Variants in ASZ1 observed in about 807,000 individuals in gnomAD.
ASZ1 encodes ankyrin repeat, SAM and basic leucine zipper domain containing 1, also known as ankyrin repeat, SAM and basic leucine zipper domain-containing protein 1.
ASZ1 carries 67 observed loss-of-function variants against 61.8 expected under a neutral mutation model. The observed-to-expected ratio is 1.08, with a 90% CI of 0.89 to 1.33. ASZ1 has a LOEUF of 1.33. ASZ1 is among the 40% of genes most tolerant of loss of function. The pLI is 0.00. For synonymous variants in ASZ1, 193 were observed against 192.7 expected, an observed-to-expected ratio of 1.00 and a Z score of -0.01; for missense variants, 577 against 554.5, an observed-to-expected ratio of 1.04 and a Z score of -0.41.
In ASZ1 at chr7:117,420,150, T is replaced by C. The variant is rs770112027; in HGVS notation, c.440+13A>G. The C allele has an allele frequency of 8.2e-6, 13 of 1,589,226 alleles. No individual in the cohort carries two copies. In the East Asian group the frequency reaches 2.5e-4, roughly 30 times the overall value. On this transcript the variant is annotated intron_variant, in intron 4 of 12. Transcript: ENST00000284629. ...ATTTGACTTGAATTTTGAACAGATATAAAGGCTCTTACCTACAAGCAACAT... is the reference window on the plus strand; with the variant it reads ...ATTTGACTTGAATTTTGAACAGATACAAAGGCTCTTACCTACAAGCAACAT...
chr7:117,364,194 G>A (rs1795888218), intron 12 of ASZ1, among the ~76,000 whole-genome samples: 1 of 152,160 alleles, frequency 6.6e-6, no homozygotes, highest in Non-Finnish European at 1.5e-5. Flanking sequence ...GATGCTACTG[G>A]TAGAAACTTA....
In ASZ1 at chr7:117,425,258, TC is replaced by T. The variant is rs547537326; in HGVS notation, c.205+1577del. On this transcript the variant is annotated intron_variant, in intron 2 of 12. Transcript: ENST00000284629. ...ATGCTTGTTATTCCTTTGAGTAATT[TC>T]TTTTTTTTTTTTTTTTTTTTTTTTG... Among the ~76,000 whole-genome samples, 107 of 119,368 alleles carry T rather than the reference TC, an allele frequency of 9.0e-4. 5 individuals carry two copies. The highest frequency in any genetic ancestry group is 2.9e-3 in the African/African-American group (96 of 33,138). 78.3% of individuals were successfully genotyped at this position (119,368 alleles called of 152,430 possible).
At chr7:117,374,279 A>T (rs1370909167) in intron 10 of ASZ1, among the ~76,000 whole-genome samples, 8 of 152,138 alleles carry the variant, frequency 5.3e-5, no homozygotes, top group Non-Finnish European at 1.2e-4. Flanking sequence ...TATTAGTTTT[A>T]GTCTACTAGT....
chr7:117,391,480 C>G (rs1796466567), intron 4 of ASZ1, among the ~76,000 whole-genome samples: 1 of 152,096 alleles, frequency 6.6e-6, no homozygotes, highest in African/African-American at 2.4e-5. Context: ...TTGATTTCTG[C>G]ATATGGTAAG....
At position 117,384,751 on chromosome 7, in the gene ASZ1, A is replaced by G. The variant is rs780891217; in HGVS notation, c.662T>C (p.Ile221Thr). Residue 221 changes from isoleucine to threonine, a missense_variant, in exon 6 of 13, where the codon ATT becomes ACT. Transcript: ENST00000284629. ...QTKDGKMPSE[I>T]AKRNKHHEIF... is the part of the protein sequence containing the mutation. The stretch of plus-strand genomic sequence containing the variant: ...CTCATGATGTTTGTTTCTTTTTGCA[A>G]TCTCACTTGGCATCTTTCCATCTTT... The G allele has an allele frequency of 4.7e-5, 76 of 1,611,986 alleles. 1 individual carries two copies. In the Admixed American group the frequency reaches 6.0e-4, roughly 13 times the overall value.
chr7:117,380,165 G>A, intron 9 of ASZ1, 118 bp from the exon 10 acceptor site: 1 of 639,018 alleles, frequency 1.6e-6, no homozygotes, highest in Non-Finnish European at 2.7e-6. Context: ...GGCATATATT[G>A]GAAAAATAAC....
rs1475612678 is a variant in ASZ1, at chr7:117,394,577, T to C, written c.441-8768A>G. Among the ~76,000 whole-genome samples the C allele has an allele frequency of 2.0e-5, 3 of 152,322 alleles. No individual in the cohort carries two copies. In the East Asian group the frequency reaches 5.8e-4, roughly 29 times the overall value. On this transcript the variant is annotated intron_variant, in intron 4 of 12. Coordinates refer to ENST00000284629, the MANE Select transcript of ASZ1 (RefSeq NM_130768.3). ...CAGTGATTCTTTCAATCCTACCAAT[T>C]TGTCTTCAGTTGGGAAACATTCTTG...
At chr7:117,400,085 G>C (rs1796651884) in intron 4 of ASZ1, among the ~76,000 whole-genome samples, 1 of 152,126 alleles carries the variant, frequency 6.6e-6, no homozygotes, top group Non-Finnish European at 1.5e-5. Context: ...TGATGTATTT[G>C]TCACGTCTCT....
At chr7:117,426,346 C>T (rs923403743) in intron 2 of ASZ1, among the ~76,000 whole-genome samples, 10 of 150,558 alleles carry the variant, frequency 6.6e-5, no homozygotes, top group East Asian at 1.9e-4. Flanking sequence ...AAAAATTAGC[C>T]GGGCGTGGTG....
intron 4 of ASZ1, among the ~76,000 whole-genome samples, chr7:117,404,220 T>C (rs1347449058): frequency 6.6e-6 from 1 of 152,110 alleles, no homozygotes; most frequent in Non-Finnish European, 1.5e-5. Flanking sequence ...GGTTAGTGCC[T>C]GCCATCTCTC....
chr7:117,405,134 C>G (rs1005616135), intron 4 of ASZ1, among the ~76,000 whole-genome samples: 14 of 152,214 alleles, frequency 9.2e-5, no homozygotes, highest in African/African-American at 3.1e-4. Context: ...TCATCCCAGT[C>G]CTCTTCCTCC....
chr7:117,384,898 G>A, intron 5 of ASZ1, 38 bp from the exon 6 acceptor site: 2 of 1,523,598 alleles, frequency 1.3e-6, no homozygotes, highest in East Asian at 2.4e-5. Flanking sequence ...TTAAAGAGAA[G>A]GAGTGTATAT....
chr7:117,381,050 T>A lies in ASZ1; in HGVS notation c.906A>T (p.Leu302Phe), dbSNP rs1309423324. 24 of 1,597,254 alleles carry A rather than the reference T, an allele frequency of 1.5e-5. No homozygotes were observed. Among genetic ancestry groups the A allele is most frequent in the Non-Finnish European group, 2.0e-5 (24 of 1,171,332 alleles). Residue 302 changes from leucine to phenylalanine, a missense_variant, in exon 9 of 13, where the codon TTA becomes TTT. Transcript: ENST00000284629. ...TDLLKERDIT[L>F]RHLLTMREDE... ...CTTCCCTCATGGTCAAAAGATGTCT[T>A]AACGTTATATCCCTTTCCTGTATAA... is the stretch of plus-strand genomic sequence containing the variant.
intron 4 of ASZ1, among the ~76,000 whole-genome samples, chr7:117,409,011 G>A (rs1331724705): frequency 2.0e-5 from 3 of 152,054 alleles, no homozygotes; most frequent in Non-Finnish European, 2.9e-5. Flanking sequence ...AGTATGTCAA[G>A]TGGCATTATA....
At chr7:117,365,674 AG>A (rs1795923234) in intron 12 of ASZ1, among the ~76,000 whole-genome samples, 1 of 152,214 alleles carries the variant, frequency 6.6e-6, no homozygotes, top group Non-Finnish European at 1.5e-5. Context: ...ATGTTTAAGT[AG>A]GATCAGTTCC....
chr7:117,414,679 T>G (rs1427480296), intron 4 of ASZ1, among the ~76,000 whole-genome samples: 1 of 152,110 alleles, frequency 6.6e-6, no homozygotes, highest in Non-Finnish European at 1.5e-5. Context: ...TTCCCCTCCC[T>G]GTGTCCATGT....
intron 4 of ASZ1, among the ~76,000 whole-genome samples, chr7:117,409,109 C>T (rs1192504139): frequency 6.6e-6 from 1 of 151,806 alleles, no homozygotes; most frequent in African/African-American, 2.4e-5. Context: ...ACACAAATTA[C>T]AAGACTGTAG....
intron 10 of ASZ1, among the ~76,000 whole-genome samples, chr7:117,376,929 T>A (rs1349067798): frequency 6.6e-6 from 1 of 152,050 alleles, no homozygotes; most frequent in South Asian, 2.1e-4. Flanking sequence ...CTGAAAGTCT[T>A]ACCCACTGCC....
intron 4 of ASZ1, among the ~76,000 whole-genome samples, chr7:117,398,492 T>A (rs2116496741): frequency 6.6e-6 from 1 of 152,338 alleles, no homozygotes. Context: ...TGGAATATTG[T>A]ACAGCCACTA....
Sources: gnomAD v4.1 joint callset for allele counts (sites outside exome capture counted in the v4.1 genomes callset) on GRCh38, gnomAD v4.1.1 for gene constraint, MANE v1.5 for transcripts, NCBI Gene and HGNC (gene_info 2026-07-23, HGNC 2026-07-21) for gene names.